The following THRB variants were observed in gnomAD, a reference collection of about 807,000 sequenced individuals.
The protein encoded by THRB is nuclear receptor subfamily 1 group A member 2.
In THRB, 12 loss-of-function variants were observed where a neutral mutation model predicts 47.8. The ratio of observed to expected loss-of-function variants is 0.25; its 90% CI spans 0.16 to 0.41. THRB has a LOEUF of 0.41. Ranked by LOEUF, THRB falls within the 10% of genes least tolerant of loss-of-function variation. The pLI, the probability that THRB is intolerant of heterozygous loss-of-function variation, is 1.00. For missense variants in THRB, 348 were observed against 589.2 expected, an observed-to-expected ratio of 0.59 and a Z score of 4.24; for synonymous variants, 218 against 212.2, an observed-to-expected ratio of 1.03 and a Z score of -0.24.
Position 24,228,945 on chromosome 3 carries a change from A to G in THRB, c.15T>C (p.Ser5=), listed in dbSNP as rs2047976585. 3 of 1,612,174 alleles carry G rather than the reference A, an allele frequency of 1.9e-6. No individual in the cohort carries two copies. Among genetic ancestry groups the G allele is most frequent in the Admixed American group, 1.7e-5 (1 of 59,876 alleles). ...GTAAAAAAAAAAAGATACCTGTCAT[A>G]CTGTTGGGAGTCATAGGTTAGTAAT... MTPN[S]MTENGLTAWD... The change falls in exon 4 of 11, where the codon AGT becomes AGC. Residue 5 remains serine, a synonymous_variant. Coordinates refer to ENST00000646209, the MANE Select transcript of THRB (RefSeq NM_001354712.2).
intron 4 of THRB, among the ~76,000 whole-genome samples, chr3:24,212,265 G>C (rs1012785390): frequency 6.6e-6 from 1 of 152,142 alleles, no homozygotes; most frequent in Non-Finnish European, 1.5e-5. Context: ...AGGCTTGGTG[G>C]CAGGTGCCTG....
chr3:24,312,040 G>A (rs912218340), intron 2 of THRB, among the ~76,000 whole-genome samples: 9 of 152,158 alleles, frequency 5.9e-5, no homozygotes, highest in African/African-American at 2.2e-4. Context: ...AAAGTGTCAT[G>A]TTTTTCCTTA....
intron 1 of THRB, among the ~76,000 whole-genome samples, chr3:24,381,797 C>T (rs1047013474): frequency 4.0e-5 from 6 of 151,760 alleles, no homozygotes; most frequent in East Asian, 1.9e-4. Context: ...ACCCAACCCA[C>T]GAAGTTCAGT....
chr3:24,367,162 G>A (rs752273345), intron 1 of THRB, among the ~76,000 whole-genome samples: 18 of 152,174 alleles, frequency 1.2e-4, no homozygotes, highest in Non-Finnish European at 1.9e-4. Flanking sequence ...AGCATAGGCT[G>A]GAAGCAGGAC....
In THRB at chr3:24,438,506, G is replaced by GGTAGGTGTGTGT. The variant is rs1553760716; in HGVS notation, c.-261+56145_-261+56146insACACACACCTAC. Among the ~76,000 whole-genome samples the GGTAGGTGTGTGT allele has an allele frequency of 4.1e-5, 6 of 145,968 alleles. No individual in the cohort carries two copies. In the East Asian group the frequency reaches 6.1e-4, roughly 15 times the overall value. ...ATGCCATTGTCAGAGAGAACAAAAA[G>GGTAGGTGTGTGT]GTGTGTGTGTGTGTGTGTGTGTGTG... On this transcript the variant is annotated intron_variant, in intron 1 of 10. Coordinates refer to ENST00000646209, the MANE Select transcript of THRB (RefSeq NM_001354712.2).
chr3:24,238,397 A>G (rs1351437198), intron 3 of THRB, among the ~76,000 whole-genome samples: 13 of 151,914 alleles, frequency 8.6e-5, no homozygotes, highest in African/African-American at 2.9e-4. Context: ...CAGATGCCAG[A>G]ATATATAATT....
chr3:24,207,073 A>G (rs1193640192), intron 4 of THRB, among the ~76,000 whole-genome samples: 1 of 152,196 alleles, frequency 6.6e-6, no homozygotes, highest in African/African-American at 2.4e-5. Context: ...GGTGCAAGGA[A>G]GAGCTGGTAC....
intron 5 of THRB, among the ~76,000 whole-genome samples, chr3:24,160,492 G>A (rs1340727440): frequency 2.6e-5 from 4 of 152,124 alleles, no homozygotes; most frequent in Admixed American, 2.0e-4. Context: ...GGTGTGTGGG[G>A]TGACTGCTCA....
intron 1 of THRB, among the ~76,000 whole-genome samples, chr3:24,488,940 G>A (rs925917307): frequency 1.3e-5 from 2 of 151,954 alleles, no homozygotes; most frequent in South Asian, 4.2e-4. Flanking sequence ...TAAACATATC[G>A]ATGGATGTTG....
At chr3:24,227,350 T>A (rs548962226) in intron 4 of THRB, among the ~76,000 whole-genome samples, 8 of 152,174 alleles carry the variant, frequency 5.3e-5, no homozygotes, top group Non-Finnish European at 1.0e-4. Flanking sequence ...AACAGAAACA[T>A]TGAGGCTGTA....
At chr3:24,448,023 G>A (rs1226414955) in intron 1 of THRB, among the ~76,000 whole-genome samples, 3 of 151,960 alleles carry the variant, frequency 2.0e-5, no homozygotes, top group Admixed American at 6.6e-5. Context: ...AACCTGTAGC[G>A]ATCTTGTTGG....
chr3:24,161,231 A>G (rs1409609168), intron 5 of THRB, among the ~76,000 whole-genome samples: 3 of 152,256 alleles, frequency 2.0e-5, no homozygotes, highest in Non-Finnish European at 1.5e-5. Context: ...TGTGTGTGGC[A>G]GTACCTAATT....
chr3:24,181,433 T>C (rs373219721), intron 5 of THRB, among the ~76,000 whole-genome samples: 61 of 152,370 alleles, frequency 4.0e-4, no homozygotes, highest in African/African-American at 1.3e-3. Flanking sequence ...CATTCTCCTA[T>C]GTGTTTACTA....
intron 1 of THRB, among the ~76,000 whole-genome samples, chr3:24,382,213 C>G (rs1176354307): frequency 6.6e-6 from 1 of 151,906 alleles, no homozygotes; most frequent in Non-Finnish European, 1.5e-5. Context: ...GACCAAAACA[C>G]CACTTTTGGA....
intron 5 of THRB, among the ~76,000 whole-genome samples, chr3:24,170,527 G>T (rs1450780408): frequency 6.6e-6 from 1 of 152,176 alleles, no homozygotes; most frequent in Non-Finnish European, 1.5e-5. Flanking sequence ...CCAAAAGGTG[G>T]TCCTTCCCCA....
chr3:24,201,783 A>T (rs2044625427), intron 4 of THRB, among the ~76,000 whole-genome samples: 2 of 152,204 alleles, frequency 1.3e-5, no homozygotes, highest in Admixed American at 1.3e-4. Context: ...TTGGTTCATA[A>T]AATGGAAAAA....
At chr3:24,244,542 T>A (rs2049914441) in intron 3 of THRB, among the ~76,000 whole-genome samples, 1 of 152,216 alleles carries the variant, frequency 6.6e-6, no homozygotes, top group South Asian at 2.1e-4. Flanking sequence ...AACTTCCACA[T>A]CTATCAAAAT....
chr3:24,173,257 T>A (rs779275722), intron 5 of THRB, among the ~76,000 whole-genome samples: 17 of 152,176 alleles, frequency 1.1e-4, no homozygotes, highest in Non-Finnish European at 2.4e-4. Flanking sequence ...TTTTCTAGCA[T>A]CACTGGCTGT....
At chr3:24,133,245 A>G in intron 9 of THRB, 71 bp downstream of exon 9, 1 of 1,534,126 alleles carries the variant, frequency 6.5e-7, no homozygotes. Flanking sequence ...ATTGTAAATA[A>G]TACCCAGTAT....
Sources: gnomAD v4.1 joint callset for allele counts (sites outside exome capture counted in the v4.1 genomes callset) on GRCh38, gnomAD v4.1.1 for gene constraint, MANE v1.5 for transcripts, NCBI Gene and HGNC (gene_info 2026-07-23, HGNC 2026-07-21) for gene names.